Variants in TRUB2 observed in about 807,000 individuals in gnomAD.
TRUB2 encodes TruB pseudouridine synthase family member 2, also known as pseudouridylate synthase TRUB2, mitochondrial.
TRUB2 carries 31 observed loss-of-function variants against 31.9 expected under a neutral mutation model. The observed-to-expected ratio is 0.97, with a 90% CI of 0.73 to 1.31. TRUB2 has a LOEUF of 1.31. TRUB2 is among the 50% of genes most tolerant of loss of function. The probability of loss-of-function intolerance (pLI) is 0.00; values close to 1 mark genes in which losing one functional copy is unlikely to be tolerated. For missense variants in TRUB2, 451 were observed against 439.6 expected (o/e 1.03, Z -0.23); for synonymous variants, 201 against 182.6 (o/e 1.10, Z -0.81).
Position 128,309,574 on chromosome 9 carries a change from C to T in TRUB2, c.972G>A (p.Gly324=). The change falls in exon 8 of 8, where the codon GGG becomes GGA. Residue 324 remains glycine (G), a synonymous_variant. Coordinates refer to ENST00000372890, the MANE Select transcript of TRUB2 (RefSeq NM_015679.3). ...TTCACTGCCCCGCACCCCTCTCCAG[C>T]CCCAAGGTAGAGCTCGGGCCCTGGG... The part of the protein sequence containing the change: ...WDSQGPSSTL[G]LERGAGQ 6.2e-7 allele frequency: 1 copy of T among 1,612,732 alleles called. No individual in the cohort carries two copies. The highest frequency in any genetic ancestry group is 8.5e-7 in the Non-Finnish European group (1 of 1,179,068).
Position 128,307,708 on chromosome 9 carries a change from G to C in TRUB2, c.*1842C>G, listed in dbSNP as rs1831890180. 1 of 151,804 alleles carries C rather than the reference G, an allele frequency of 6.6e-6. No individual in the cohort carries two copies. The allele number at this position is 151,804 out of a possible 1,614,324, so 9.4% of individuals were successfully genotyped here. A position where few individuals can be genotyped will look rare whatever the true frequency, so the allele number is the denominator to read the frequency against. On this transcript the variant is annotated 3_prime_UTR_variant, in exon 8 of 8. Transcript: ENST00000372890. ...AACCGCGCCACTGCACTCTAGCCTG[G>C]GCGACAGTGCGAGGCCCTGTCTCAA...
In TRUB2 at chr9:128,309,291, A is replaced by G; in HGVS notation, c.*259T>C. 2.1e-6 allele frequency: 1 copy of G among 467,510 alleles called. No individual in the cohort carries two copies. Among genetic ancestry groups the G allele is most frequent in the East Asian group, 3.7e-5 (1 of 27,024 alleles). The allele number at this position is 467,510 out of a possible 1,614,324, so 29.0% of individuals were successfully genotyped here. A position where few individuals can be genotyped will look rare whatever the true frequency, so the allele number is the denominator to read the frequency against. Reference sequence around the variant, plus strand: ...ATTCTCCTGCCTCAGCCTTGGGAGTAGCTGGGATTACAAGTGCCCGCCACC... The same window carrying G: ...ATTCTCCTGCCTCAGCCTTGGGAGTGGCTGGGATTACAAGTGCCCGCCACC... On this transcript the variant is annotated 3_prime_UTR_variant, in exon 8 of 8. Coordinates refer to ENST00000372890, the MANE Select transcript of TRUB2 (RefSeq NM_015679.3).
chr9:128,316,177 G>A (rs1206587657), intron 3 of TRUB2, among the ~76,000 whole-genome samples: 2 of 148,852 alleles, frequency 1.3e-5, no homozygotes, highest in Non-Finnish European at 3.0e-5. Context: ...CAGGTGTGGT[G>A]CTACACTACA....
chr9:128,309,881 A>G lies in TRUB2; in HGVS notation c.671-6T>C, dbSNP rs1381972005. 2 of 1,611,748 alleles carry G rather than the reference A, an allele frequency of 1.2e-6. No individual in the cohort carries two copies. The highest frequency in any genetic ancestry group is 2.7e-5 in the African/African-American group (2 of 74,898). ...CTCATGCATGCACTGCACCTCTGCCAGGGACACACAATGACAGACATGGTG... is the reference window on the plus strand; with the variant it reads ...CTCATGCATGCACTGCACCTCTGCCGGGGACACACAATGACAGACATGGTG... On this transcript the variant is annotated splice_polypyrimidine_tract_variant and splice_region_variant and intron_variant, in intron 7 of 7. Coordinates refer to ENST00000372890, the MANE Select transcript of TRUB2 (RefSeq NM_015679.3).
At chr9:128,322,226 G>A (rs920092693) in intron 1 of TRUB2, 74 bp downstream of exon 1, 191 of 1,315,208 alleles carry the variant, frequency 1.5e-4, no homozygotes, top group Non-Finnish European at 2.0e-4. Context: ...TTTGTTTTGG[G>A]GTAAGGACCA....
At position 128,308,360 on chromosome 9, in the gene TRUB2, CGT is replaced by C. The variant is rs1831901835; in HGVS notation, c.*1188_*1189del. The C allele has an allele frequency of 6.6e-6, 1 of 151,714 alleles. No homozygotes were observed. Among genetic ancestry groups the C allele is most frequent in the South Asian group, 2.1e-4 (1 of 4,804 alleles). The allele number at this position is 151,714 out of a possible 1,614,324, so 9.4% of individuals were successfully genotyped here. A position where few individuals can be genotyped will look rare whatever the true frequency, so the allele number is the denominator to read the frequency against. ...CATCCTGGCTAACACGGTGCAACAC[CGT>C]CTCTACTAAAAATACAAAAAAATTA... is the stretch of plus-strand genomic sequence containing the variant. On this transcript the variant is annotated 3_prime_UTR_variant, in exon 8 of 8. Transcript: ENST00000372890.
chr9:128,318,132 T>G (rs1255755561), intron 2 of TRUB2, among the ~76,000 whole-genome samples: 1 of 151,946 alleles, frequency 6.6e-6, no homozygotes, highest in Non-Finnish European at 1.5e-5. Flanking sequence ...TCACCTGAGG[T>G]CAGGAGTTCG....
chr9:128,321,597 A>T lies in TRUB2; in HGVS notation c.241+2T>A. On this transcript the variant is annotated splice_donor_variant, in intron 2 of 7. Transcript: ENST00000372890. LOFTEE classifies it high-confidence loss of function. ...ACAGGATCCTGCTTAAATCTGCCTT[A>T]CCCAGTGGATGGTTGATGAAAGAGG... 6.2e-7 allele frequency: 1 copy of T among 1,614,004 alleles called. No individual in the cohort carries two copies. Among genetic ancestry groups the T allele is most frequent in the Non-Finnish European group, 8.5e-7 (1 of 1,179,954 alleles).
At chr9:128,311,373 G>C in intron 6 of TRUB2, 156 bp downstream of exon 6, 1 of 798,326 alleles carries the variant, frequency 1.3e-6, no homozygotes, top group Non-Finnish European at 2.0e-6. Context: ...CTGGCACACA[G>C]AACCATTTCT....
rs1346059801 is a variant in TRUB2 at position 128,309,067 on chromosome 9, T to C, written c.*483A>G. On this transcript the variant is annotated 3_prime_UTR_variant, in exon 8 of 8. Coordinates refer to ENST00000372890, the MANE Select transcript of TRUB2 (RefSeq NM_015679.3). ...CTTTCTAAGGGCTCTCTGTATACTA[T>C]GGATATTAGTCCTTGGTTAATGACA... 1.2e-5 allele frequency: 2 copies of C among 160,542 alleles called. No individual in the cohort carries two copies. The highest frequency in any genetic ancestry group is 2.8e-5 in the Non-Finnish European group (2 of 72,352). The allele number at this position is 160,542 out of a possible 1,614,324, so 9.9% of individuals were successfully genotyped here.
chr9:128,317,056 G>C (rs531416217), intron 3 of TRUB2, 96 bp downstream of exon 3: 1 of 1,092,432 alleles, frequency 9.2e-7, no homozygotes, highest in Non-Finnish European at 1.3e-6. Context: ...GTGGTGGGAC[G>C]TGGGTGCCAG....
chr9:128,319,074 C>T (rs1832116172), intron 2 of TRUB2, among the ~76,000 whole-genome samples: 1 of 151,908 alleles, frequency 6.6e-6, no homozygotes, highest in African/African-American at 2.4e-5. Context: ...CACCTGTAAT[C>T]CCAGCACTTT....
At chr9:128,316,437 GCA>G (rs997652695) in intron 3 of TRUB2, 4 of 152,230 alleles carry the variant, frequency 2.6e-5, no homozygotes, top group Non-Finnish European at 4.4e-5. Flanking sequence ...TGTGCAGTCG[GCA>G]CAGAGGAAGG....
chr9:128,311,469 G>A (rs1029523986), intron 6 of TRUB2, 60 bp downstream of exon 6: 2 of 1,545,286 alleles, frequency 1.3e-6, no homozygotes, highest in Non-Finnish European at 1.8e-6. Flanking sequence ...GTTTGGGGGA[G>A]CCTACGGGAG....
chr9:128,317,540 C>T lies in TRUB2; in HGVS notation c.242-314G>A, dbSNP rs962082489. ...CTGCCCAGCTCTACTGAGGAAGAGT[C>T]CCTGGAGGAAAATGGAGGCTGTGAG... On this transcript the variant is annotated intron_variant, in intron 2 of 7. Transcript: ENST00000372890. Among the ~76,000 whole-genome samples the T allele has an allele frequency of 7.2e-5, 11 of 152,184 alleles. No homozygotes were observed. In the East Asian group the frequency reaches 2.1e-3, roughly 29 times the overall value.
intron 2 of TRUB2, among the ~76,000 whole-genome samples, chr9:128,321,160 C>A (rs897721368): frequency 1.3e-5 from 2 of 151,176 alleles, no homozygotes; most frequent in Non-Finnish European, 2.9e-5. Context: ...AGGTGCACAG[C>A]AAATTCAAGT....
At chr9:128,322,232 G>T in intron 1 of TRUB2, 68 bp downstream of exon 1, 1 of 1,377,756 alleles carries the variant, frequency 7.3e-7, no homozygotes, top group Non-Finnish European at 1.0e-6. Context: ...TTGGGGTAAG[G>T]ACCAGAAGCG....
intron 2 of TRUB2, among the ~76,000 whole-genome samples, chr9:128,320,048 T>C (rs1314467899): frequency 6.6e-6 from 1 of 151,856 alleles, no homozygotes; most frequent in Non-Finnish European, 1.5e-5. Context: ...CTGGAGTAGC[T>C]GGGACTACAG....
In TRUB2 at chr9:128,309,446, C is replaced by T. The variant is rs78278964; in HGVS notation, c.*104G>A. ...GTTACAGCTTGAGTTTTGTGTCTTA[C>T]GTAGAAAAGGTGCCCCTGCTCTCAC... On this transcript the variant is annotated 3_prime_UTR_variant, in exon 8 of 8. Coordinates refer to ENST00000372890, the MANE Select transcript of TRUB2 (RefSeq NM_015679.3). 28,442 of 1,274,320 alleles carry T rather than the reference C, an allele frequency of 0.022. 399 individuals carry two copies. The highest frequency in any genetic ancestry group is 0.027 in the Non-Finnish European group (24,749 of 926,512). The allele number at this position is 1,274,320 out of a possible 1,614,324, so 78.9% of individuals were successfully genotyped here.
Sources: gnomAD v4.1 joint callset for allele counts (sites outside exome capture counted in the v4.1 genomes callset) on GRCh38, gnomAD v4.1.1 for gene constraint, MANE v1.5 for transcripts, NCBI Gene and HGNC (gene_info 2026-07-23, HGNC 2026-07-21) for gene names.